KCNK12: variants seen among roughly 807,000 people sequenced by gnomAD.
KCNK12 encodes potassium channel subfamily K member 12.
A neutral mutation model predicts 25.3 loss-of-function variants in KCNK12; 6 were observed. The ratio of observed to expected loss-of-function variants is 0.24; its 90% confidence interval spans 0.13 to 0.47. KCNK12 has a LOEUF of 0.47. Among genes scored for constraint, KCNK12 ranks in the 20% least tolerant of loss-of-function variants. The pLI is 0.99. For missense variants in KCNK12, 444 were observed against 661.7 expected, an observed-to-expected ratio of 0.67 and a Z score of 3.61; for synonymous variants, 331 against 311.1, an observed-to-expected ratio of 1.06 and a Z score of -0.67.
At position 47,569,942 on chromosome 2, in the gene KCNK12, TA is replaced by T; in HGVS notation, c.389del (p.Ile130LysfsTer5). On this transcript the variant is annotated frameshift_variant and splice_region_variant, in exon 1 of 2. Transcript: ENST00000327876. LOFTEE classifies it high-confidence loss of function. The surrounding 1 kb of genome is among the most constrained non-coding windows in gnomAD (Gnocchi z 4.1). Reference protein sequence around the residue: ...FYFVGTVVSTIGFGMTTPATV... With the variant: ...FYFVGTVVSTXGFGMTTPATV... The stretch of plus-strand genomic sequence containing the variant: ...ATGCGCGGGGGACGCGCCGCTCACC[TA>T]TGGTTGACACCACGGTGCCCACGAA... 2 of 1,408,028 alleles carry T rather than the reference TA, an allele frequency of 1.4e-6. No homozygotes were observed. The highest frequency in any genetic ancestry group is 1.9e-6 in the Non-Finnish European group (2 of 1,079,422). 87.2% of individuals were successfully genotyped at this position (1,408,028 alleles called of 1,614,324 possible).
In KCNK12 at chr2:47,517,574, G is replaced by A. The variant is rs765571211; in HGVS notation, c.*3333C>T. 5 of 152,152 alleles carry A rather than the reference G, an allele frequency of 3.3e-5. No individual in the cohort carries two copies. Among genetic ancestry groups the A allele is most frequent in the Non-Finnish European group, 5.9e-5 (4 of 68,038 alleles). The allele number at this position is 152,152 out of a possible 1,614,324, so 9.4% of individuals were successfully genotyped here. ...GTTAGTAGCTCTTTGTAAGGCTGGT[G>A]TGTATGTGTGTGTGTATATATATAT... On this transcript the variant is annotated 3_prime_UTR_variant, in exon 2 of 2. Coordinates refer to ENST00000327876, the MANE Select transcript of KCNK12 (RefSeq NM_022055.2). This position sits in a 1 kb window ranked among gnomAD's most constrained non-coding sequence, Gnocchi z 4.1.
intron 1 of KCNK12, among the ~76,000 whole-genome samples, chr2:47,568,684 T>C (rs535881302): frequency 6.6e-4 from 100 of 152,204 alleles, no homozygotes; most frequent in Non-Finnish European, 1.3e-3. Flanking sequence ...GTATCTGAAC[T>C]GGCATACCAA....
intron 1 of KCNK12, among the ~76,000 whole-genome samples, chr2:47,535,531 G>C (rs1157627429): frequency 6.6e-6 from 1 of 152,178 alleles, no homozygotes; most frequent in Non-Finnish European, 1.5e-5. Context: ...CACACAGATG[G>C]GGAGGTTGAT....
intron 1 of KCNK12, chr2:47,563,912 C>G (rs1669737339): frequency 8.6e-6 from 2 of 232,140 alleles, no homozygotes; most frequent in South Asian, 3.6e-4. Flanking sequence ...GCTGGCTTGG[C>G]CCAGGAATAG....
At chr2:47,531,700 G>A (rs562550483) in intron 1 of KCNK12, among the ~76,000 whole-genome samples, 1 of 152,188 alleles carries the variant, frequency 6.6e-6, no homozygotes, top group African/African-American at 2.4e-5. Flanking sequence ...GGTGAGGCAG[G>A]AGAAGAGGGA....
intron 1 of KCNK12, among the ~76,000 whole-genome samples, chr2:47,542,792 C>T (rs573658354): frequency 5.3e-4 from 81 of 152,296 alleles, no homozygotes; most frequent in African/African-American, 1.8e-3. Flanking sequence ...TCATGCACAG[C>T]GACAAGCAAG....
chr2:47,535,383 A>G (rs757797032), intron 1 of KCNK12, among the ~76,000 whole-genome samples: 2 of 152,152 alleles, frequency 1.3e-5, no homozygotes, highest in African/African-American at 4.8e-5. Context: ...TCAAAGCACA[A>G]GGGTCTCTGT....
rs1351703161 is a variant in KCNK12, at chr2:47,562,001, T to C, written c.391+7940A>G. 4 of 398,376 alleles carry C rather than the reference T, an allele frequency of 1.0e-5. No homozygotes were observed. The highest frequency in any genetic ancestry group is 1.8e-5 in the Non-Finnish European group (4 of 226,040). The allele number at this position is 398,376 out of a possible 1,614,324, so 24.7% of individuals were successfully genotyped here. ...GAAACTGAGGCACTGAATGGTGATA[T>C]GTCCTGCCTAAAGCCACGCAGCCAG... On this transcript the variant is annotated intron_variant, in intron 1 of 1. Coordinates refer to ENST00000327876, the MANE Select transcript of KCNK12 (RefSeq NM_022055.2). This position sits in a 1 kb window ranked among gnomAD's most constrained non-coding sequence, Gnocchi z 4.8.
chr2:47,563,417 G>C (rs1221560144), intron 1 of KCNK12: 2 of 233,218 alleles, frequency 8.6e-6, no homozygotes, highest in Non-Finnish European at 1.7e-5. Flanking sequence ...GAGAGTGAGA[G>C]AGATACACCT....
intron 1 of KCNK12, among the ~76,000 whole-genome samples, chr2:47,549,143 A>C (rs1002924373): frequency 2.6e-5 from 4 of 152,222 alleles, no homozygotes; most frequent in Admixed American, 2.6e-4. Flanking sequence ...CAAAGCCAGG[A>C]ATCACCTGAG....
At position 47,517,859 on chromosome 2, in the gene KCNK12, T is replaced by C. The variant is rs901485490; in HGVS notation, c.*3048A>G. ...TGGCCACAGTCATATGGTGAGGGCC[T>C]CTTGGAGTTCATTCAAACTTTAAGG... On this transcript the variant is annotated 3_prime_UTR_variant, in exon 2 of 2. Transcript: ENST00000327876. The surrounding 1 kb of genome is among the most constrained non-coding windows in gnomAD (Gnocchi z 4.1). 5 of 152,162 alleles carry C rather than the reference T, an allele frequency of 3.3e-5. No homozygotes were observed. The highest frequency in any genetic ancestry group is 9.7e-5 in the African/African-American group (4 of 41,422). 9.4% of individuals were successfully genotyped at this position (152,162 alleles called of 1,614,324 possible).
Position 47,533,609 on chromosome 2 carries a change from C to A in KCNK12, c.392-11801G>T, listed in dbSNP as rs1212111420. 6.6e-6 allele frequency among the ~76,000 whole-genome samples: 1 copy of A among 152,236 alleles called. No individual in the cohort carries two copies. Among genetic ancestry groups the A allele is most frequent in the African/African-American group, 2.4e-5 (1 of 41,466 alleles). On this transcript the variant is annotated intron_variant, in intron 1 of 1. Transcript: ENST00000327876. The surrounding 1 kb of genome is among the most constrained non-coding windows in gnomAD (Gnocchi z 4.7). ...TCCTACCTCGCTGGGCCTCCATCTC[C>A]CCACCTCTGGCTCACTTCCTGCTTT...
chr2:47,561,757 G>C (rs753432759), intron 1 of KCNK12, among the ~76,000 whole-genome samples: 11 of 152,182 alleles, frequency 7.2e-5, no homozygotes, highest in Non-Finnish European at 1.6e-4. Flanking sequence ...CTGAGGCAAG[G>C]AGAAGTATAT....
rs1669265387 is a variant in KCNK12, at chr2:47,544,296, C to A, written c.392-22488G>T. On this transcript the variant is annotated intron_variant, in intron 1 of 1. Transcript: ENST00000327876. ...GGTACAGTCTCAGCCTGTAACGCTT[C>A]CCTTTCGAAGAGCTGTCCCTCCAGC... Among the ~76,000 whole-genome samples, 3 of 152,340 alleles carry A rather than the reference C, an allele frequency of 2.0e-5. No homozygotes were observed. In the South Asian group the frequency reaches 6.2e-4, roughly 32 times the overall value.
At chr2:47,554,185 A>T (rs1669502113) in intron 1 of KCNK12, among the ~76,000 whole-genome samples, 1 of 152,246 alleles carries the variant, frequency 6.6e-6, no homozygotes, top group East Asian at 1.9e-4. Flanking sequence ...CAATGGGAAT[A>T]TAATAGTGGA....
chr2:47,514,426 C>T lies in KCNK12; in HGVS notation c.*6481G>A, dbSNP rs541568353. Among the ~76,000 whole-genome samples the T allele has an allele frequency of 6.6e-6, 1 of 152,344 alleles. No individual in the cohort carries two copies. Among genetic ancestry groups the T allele is most frequent in the East Asian group, 1.9e-4 (1 of 5,188 alleles). The stretch of plus-strand genomic sequence containing the variant: ...ACCCTTGTCTCTCCAGCCCCTAACA[C>T]AGGGGATGCCTGACCCCAAACTAGA... On this transcript the variant is annotated 3_prime_UTR_variant, in exon 2 of 2. Coordinates refer to ENST00000327876, the MANE Select transcript of KCNK12 (RefSeq NM_022055.2). The surrounding 1 kb of genome is among the most constrained non-coding windows in gnomAD (Gnocchi z 5.0).
rs981512962 is a variant in KCNK12, at chr2:47,520,881, G to T, written c.*26C>A. 20 of 1,237,626 alleles carry T rather than the reference G, an allele frequency of 1.6e-5. No individual in the cohort carries two copies. The highest frequency in any genetic ancestry group is 1.1e-5 in the Non-Finnish European group (11 of 989,512). The allele number at this position is 1,237,626 out of a possible 1,614,324, so 76.7% of individuals were successfully genotyped here. A position where few individuals can be genotyped will look rare whatever the true frequency, so the allele number is the denominator to read the frequency against. On this transcript the variant is annotated 3_prime_UTR_variant, in exon 2 of 2. Transcript: ENST00000327876. The surrounding 1 kb of genome is among the most constrained non-coding windows in gnomAD (Gnocchi z 5.0). ...CCGGCGGCCCCGCGGCCTGGAGAGGGTCCCCGGCGCGGGCGGACGGGCGGT... is the reference window on the plus strand; with the variant it reads ...CCGGCGGCCCCGCGGCCTGGAGAGGTTCCCCGGCGCGGGCGGACGGGCGGT...
chr2:47,565,017 A>AG lies in KCNK12; in HGVS notation c.391+4923dup, dbSNP rs1190035463. The AG allele has an allele frequency of 1.4e-3, 206 of 151,310 alleles. 1 individual carries two copies. The highest frequency in any genetic ancestry group is 4.8e-3 in the African/African-American group (198 of 41,288). The allele number at this position is 151,310 out of a possible 1,614,324, so 9.4% of individuals were successfully genotyped here. ...GCCCTGTCTCTTAAAAAAAAAAAAA[A>AG]GTAGCCAGGTGTGGTGATGTGTGCC... On this transcript the variant is annotated intron_variant, in intron 1 of 1. Transcript: ENST00000327876. This position sits in a 1 kb window ranked among gnomAD's most constrained non-coding sequence, Gnocchi z 5.0.
rs773257874 is a variant in KCNK12, at chr2:47,521,398, C to T, written c.802G>A (p.Ala268Thr). Reference sequence around the variant, plus strand: ...TAGAGCCCCTGGTTCCGGTAGGCGGCGTGCTGGCTGCTCACCAGGTCCCCG... The same window carrying T: ...TAGAGCCCCTGGTTCCGGTAGGCGGTGTGCTGGCTGCTCACCAGGTCCCCG... ...GFGDLVSSQHAAYRNQGLYRL... is the reference protein window; with the variant it reads ...GFGDLVSSQHTAYRNQGLYRL... Residue 268 changes from alanine to threonine, a missense_variant, in exon 2 of 2, where the codon GCC becomes ACC. Physicochemically the swap from Ala to Thr is moderately conservative, Grantham distance 58 (BLOSUM62 0). This residue lies in a region of KCNK12 where 56 missense variants were observed against 135.7 expected (regional missense o/e 0.41). Transcript: ENST00000327876. 1.9e-6 allele frequency: 3 copies of T among 1,613,416 alleles called. No homozygotes were observed. The highest frequency in any genetic ancestry group is 1.7e-6 in the Non-Finnish European group (2 of 1,179,766).
Sources: allele counts gnomAD v4.1 joint callset (sites outside exome capture counted in the v4.1 genomes callset), GRCh38; gene constraint gnomAD v4.1.1; regional missense constraint gnomAD v4.1.1; non-coding constraint Gnocchi (gnomAD v3.1); transcripts MANE v1.5; gene names NCBI Gene and HGNC (gene_info 2026-07-23, HGNC 2026-07-21).